The following JAK2 variants were observed in gnomAD, a reference collection of about 807,000 sequenced individuals.
JAK2 encodes tyrosine-protein kinase JAK2.
Under a neutral mutation model 139.3 loss-of-function variants are expected in JAK2, and 86 were observed. The ratio of observed to expected loss-of-function variants is 0.62; its 90% CI spans 0.52 to 0.74. The LOEUF is 0.74. Ranked by LOEUF, JAK2 falls within the 30% of genes least tolerant of loss-of-function variation. The pLI, the probability that JAK2 is intolerant of heterozygous loss-of-function variation, is 0.00. For synonymous variants in JAK2, 490 were observed against 437.7 expected (o/e 1.12, Z -1.49); for missense variants, 1,421 against 1,360.3 (o/e 1.04, Z -0.70).
chr9:5,033,391 G>A (rs149185641), intron 4 of JAK2, among the ~76,000 whole-genome samples: 2,070 of 152,122 alleles, frequency 0.014, 60 homozygotes, highest in African/African-American at 0.048. Context: ...TAGAGAGAAC[G>A]CCACAAAGAT....
intron 19 of JAK2, among the ~76,000 whole-genome samples, chr9:5,087,151 C>T (rs374180390): frequency 8.7e-4 from 132 of 152,314 alleles, no homozygotes; most frequent in African/African-American, 3.0e-3. Context: ...CAAATAAAGA[C>T]ATACCCGAGA....
chr9:5,039,785 C>T (rs144318142), intron 4 of JAK2, among the ~76,000 whole-genome samples: 1 of 152,072 alleles, frequency 6.6e-6, no homozygotes, highest in African/African-American at 2.4e-5. Context: ...AAAATGTATA[C>T]ACTGAGAAAT....
chr9:5,059,996 T>C (rs1032359622), intron 8 of JAK2, among the ~76,000 whole-genome samples: 13 of 152,194 alleles, frequency 8.5e-5, no homozygotes, highest in African/African-American at 3.1e-4. Context: ...TCTAGTTCAG[T>C]TCTGGACCAC....
chr9:5,107,458 A>G (rs184596717), intron 22 of JAK2, among the ~76,000 whole-genome samples: 1 of 152,272 alleles, frequency 6.6e-6, no homozygotes, highest in African/African-American at 2.4e-5. Context: ...GCCATGAGCT[A>G]TTCAAACAAA....
chr9:5,029,893 C>G lies in JAK2; in HGVS notation c.337C>G (p.Leu113Val), dbSNP rs143103233. The G allele has an allele frequency of 9.4e-4, 1,508 of 1,607,494 alleles. 1 individual carries two copies. The highest frequency in any genetic ancestry group is 1.2e-3 in the Non-Finnish European group (1,403 of 1,177,516). Residue 113 changes from leucine (L) to valine (V), a missense_variant, in exon 4 of 25, where the codon CTC becomes GTC. Leu to Val is a conservative substitution (Grantham distance 32). Transcript: ENST00000381652. The stretch of plus-strand genomic sequence containing the variant: ...AGATGAGTCAACCAGGCATAATGTA[C>G]TCTACAGAATAAGGTACTTTCTTCA... ...HIDESTRHNV[L>V]YRIRFYFPRW...
At chr9:5,088,278 A>G (rs371835127) in intron 19 of JAK2, among the ~76,000 whole-genome samples, 2 of 152,162 alleles carry the variant, frequency 1.3e-5, no homozygotes, top group East Asian at 3.9e-4. Flanking sequence ...TAAACTGTGT[A>G]ATTAAGAGAT....
At chr9:5,016,666 C>A (rs781122549) in intron 2 of JAK2, among the ~76,000 whole-genome samples, 7 of 152,236 alleles carry the variant, frequency 4.6e-5, no homozygotes, top group South Asian at 2.1e-4. Context: ...CTACTTAGAT[C>A]AAGAAATAGA....
At chr9:5,122,367 G>A (rs1429475839) in intron 22 of JAK2, among the ~76,000 whole-genome samples, 1 of 151,922 alleles carries the variant, frequency 6.6e-6, no homozygotes, top group Non-Finnish European at 1.5e-5. Context: ...CCCCTCTTCT[G>A]GTTAACAGGT....
intron 22 of JAK2, chr9:5,108,942 A>G (rs528226121): frequency 6.6e-6 from 1 of 152,114 alleles, no homozygotes; most frequent in Non-Finnish European, 1.5e-5. Context: ...AAACGGAATC[A>G]TATACTTACC....
intron 22 of JAK2, chr9:5,114,653 CA>C: frequency 2.2e-6 from 1 of 461,030 alleles, no homozygotes; most frequent in South Asian, 1.7e-5. Flanking sequence ...CGCAGCCCCG[CA>C]AAACCAAGGG....
chr9:5,052,018 G>C (rs1817449038), intron 6 of JAK2, among the ~76,000 whole-genome samples: 1 of 152,078 alleles, frequency 6.6e-6, no homozygotes, highest in Non-Finnish European at 1.5e-5. Context: ...AATACTTGCT[G>C]TATGCCAGGC....
At chr9:5,032,334 C>G (rs575222833) in intron 4 of JAK2, among the ~76,000 whole-genome samples, 2 of 152,232 alleles carry the variant, frequency 1.3e-5, no homozygotes, top group African/African-American at 2.4e-5. Context: ...AGGGCATAGC[C>G]AAACAAAAGG....
intron 22 of JAK2, among the ~76,000 whole-genome samples, chr9:5,101,551 C>G (rs1821489667): frequency 6.6e-6 from 1 of 152,232 alleles, no homozygotes; most frequent in African/African-American, 2.4e-5. Context: ...GGTGTTTGAG[C>G]TCTGACAATG....
chr9:5,016,024 G>A (rs1822035046), intron 2 of JAK2, among the ~76,000 whole-genome samples: 1 of 152,220 alleles, frequency 6.6e-6, no homozygotes, highest in Non-Finnish European at 1.5e-5. Flanking sequence ...AGTAGGCATT[G>A]GAGACAGTTT....
intron 2 of JAK2, among the ~76,000 whole-genome samples, chr9:5,007,687 C>A (rs1180534271): frequency 6.6e-6 from 1 of 151,318 alleles, no homozygotes; most frequent in Non-Finnish European, 1.5e-5. Context: ...ACTTTTGCAC[C>A]AGTCTAATAA....
chr9:4,997,139 T>A (rs773603557), intron 2 of JAK2, among the ~76,000 whole-genome samples: 1 of 151,884 alleles, frequency 6.6e-6, no homozygotes, highest in Non-Finnish European at 1.5e-5. Flanking sequence ...ACCGTGTCAC[T>A]CAGTCTGGTC....
chr9:5,087,119 G>A (rs931696493), intron 19 of JAK2, among the ~76,000 whole-genome samples: 1 of 152,204 alleles, frequency 6.6e-6, no homozygotes, highest in Non-Finnish European at 1.5e-5. Flanking sequence ...CTTACTGGTT[G>A]TATTAGTCTG....
intron 4 of JAK2, among the ~76,000 whole-genome samples, chr9:5,035,986 C>T (rs56350107): frequency 0.24 from 36,978 of 151,816 alleles, 4,613 homozygotes; most frequent in Middle Eastern, 0.26. Flanking sequence ...AAAACCCCAT[C>T]GTCTCAGCCC....
At chr9:5,053,982 A>G (rs988118446) in intron 6 of JAK2, among the ~76,000 whole-genome samples, 1 of 152,120 alleles carries the variant, frequency 6.6e-6, no homozygotes, top group East Asian at 1.9e-4. Context: ...CTTCTTTAGA[A>G]TATTGTACAT....
Sources: allele counts gnomAD v4.1 joint callset (sites outside exome capture counted in the v4.1 genomes callset), GRCh38; gene constraint gnomAD v4.1.1; transcripts MANE v1.5; gene names NCBI Gene and HGNC (gene_info 2026-07-23, HGNC 2026-07-21).